The following FBXO41 variants were observed in gnomAD, a reference collection of about 807,000 sequenced individuals.
FBXO41 encodes the protein F-box protein 41.
In FBXO41, 33 loss-of-function variants were observed where a neutral mutation model predicts 81.6. That is an observed-to-expected ratio of 0.40 (90% CI 0.31 to 0.54). The LOEUF (loss-of-function observed/expected upper bound fraction) is 0.54, where lower values mean the gene tolerates loss of function less well. FBXO41 is among the 20% of genes least tolerant of loss of function. The pLI is 0.39. For missense variants in FBXO41, 1,107 were observed against 1,236.0 expected (o/e 0.90, Z 1.56); for synonymous variants, 576 against 552.7 (o/e 1.04, Z -0.59).
chr2:73,276,073 A>C (rs1688673204), intron 1 of FBXO41, among the ~76,000 whole-genome samples: 2 of 147,758 alleles, frequency 1.4e-5, no homozygotes, highest in Admixed American at 1.3e-4. Flanking sequence ...GGCGTGAGCC[A>C]CCACACCTGG....
In FBXO41 at chr2:73,261,956, C is replaced by T. The variant is rs562106308; in HGVS notation, c.2172-1098G>A. 3.4e-5 allele frequency among the ~76,000 whole-genome samples: 5 copies of T among 148,194 alleles called. No individual in the cohort carries two copies. The East Asian group carries it at 1.0e-3, about 30-fold the overall frequency. ...TGCAAAGTAGGGCTGGGCGCGGTGG[C>T]TTATGCCTGTAATCCCAGCACTTTG... is the stretch of plus-strand genomic sequence containing the variant. On this transcript the variant is annotated intron_variant, in intron 9 of 12. Transcript: ENST00000520530.
At chr2:73,268,579 G>A (rs1688364038) in intron 2 of FBXO41, 147 bp downstream of exon 2, 3 of 726,750 alleles carry the variant, frequency 4.1e-6, no homozygotes, top group East Asian at 2.9e-5. Context: ...TGACACTCTT[G>A]GCCCCACATG....
intron 1 of FBXO41, among the ~76,000 whole-genome samples, chr2:73,279,363 C>A (rs1175186024): frequency 6.6e-6 from 1 of 151,866 alleles, no homozygotes; most frequent in African/African-American, 2.4e-5. Context: ...CAACACGGAG[C>A]CAAAAATACA....
chr2:73,265,733 A>C (rs1688237299), intron 4 of FBXO41, 93 bp from the exon 5 acceptor site: 3 of 1,427,822 alleles, frequency 2.1e-6, no homozygotes, highest in Non-Finnish European at 2.8e-6. Flanking sequence ...AGGGCAACCC[A>C]CCCGCCCTGC....
At position 73,257,793 on chromosome 2, in the gene FBXO41, C is replaced by T. The variant is rs1190796509; in HGVS notation, c.*1189G>A. The T allele has an allele frequency of 1.3e-5, 2 of 152,312 alleles. No individual in the cohort carries two copies. Among genetic ancestry groups the T allele is most frequent in the Non-Finnish European group, 2.9e-5 (2 of 68,166 alleles). 9.4% of individuals were successfully genotyped at this position (152,312 alleles called of 1,614,324 possible). A position where few individuals can be genotyped will look rare whatever the true frequency, so the allele number is the denominator to read the frequency against. On this transcript the variant is annotated 3_prime_UTR_variant, in exon 13 of 13. Transcript: ENST00000520530. The surrounding 1 kb of genome is among the most constrained non-coding windows in gnomAD (Gnocchi z 4.6). ...AAGCCAAGTGGCTCCAGCTCAGGTC[C>T]AGCACTTCCCCTAGGCAGAAGACCC...
At chr2:73,281,093 C>G (rs1026350498) in intron 1 of FBXO41, among the ~76,000 whole-genome samples, 9 of 152,292 alleles carry the variant, frequency 5.9e-5, no homozygotes, top group Admixed American at 3.9e-4. Flanking sequence ...AGCTCTTAGG[C>G]TTAGGGCTTG....
chr2:73,261,207 C>T (rs926373470), intron 9 of FBXO41, among the ~76,000 whole-genome samples: 6 of 152,148 alleles, frequency 3.9e-5, no homozygotes, highest in Admixed American at 3.9e-4. Context: ...CAGGCATGCA[C>T]TACCATGCCC....
chr2:73,271,911 G>A (rs1021655062), intron 1 of FBXO41, among the ~76,000 whole-genome samples: 1 of 152,186 alleles, frequency 6.6e-6, no homozygotes, highest in African/African-American at 2.4e-5. Flanking sequence ...TTACAGGTGT[G>A]AGCCACTGCA....
intron 2 of FBXO41, 148 bp downstream of exon 2, chr2:73,268,578 T>C (rs1688363969): frequency 2.7e-6 from 2 of 727,398 alleles, no homozygotes; most frequent in Non-Finnish European, 4.4e-6. Context: ...ATGACACTCT[T>C]GGCCCCACAT....
Position 73,257,662 on chromosome 2 carries a change from TTC to T in FBXO41, c.*1318_*1319del, listed in dbSNP as rs1329693622. On this transcript the variant is annotated 3_prime_UTR_variant, in exon 13 of 13. Coordinates refer to ENST00000520530, the MANE Select transcript of FBXO41 (RefSeq NM_001371389.2). This position sits in a 1 kb window ranked among gnomAD's most constrained non-coding sequence, Gnocchi z 4.6. ...CCCGGCCTCTGAGCTACTGTGGGAG[TTC>T]TGAGAGGAGGAACTGGGGAGACCTC... 1 of 152,068 alleles carries T rather than the reference TTC, an allele frequency of 6.6e-6. No homozygotes were observed. Among genetic ancestry groups the T allele is most frequent in the African/African-American group, 2.4e-5 (1 of 41,368 alleles). 9.4% of individuals were successfully genotyped at this position (152,068 alleles called of 1,614,324 possible).
chr2:73,264,203 C>G, intron 6 of FBXO41, 75 bp downstream of exon 6: 1 of 1,602,256 alleles, frequency 6.2e-7, no homozygotes, highest in Non-Finnish European at 8.5e-7. Flanking sequence ...AGGACCAGAC[C>G]TCAAGGGGCC....
chr2:73,267,968 G>A (rs748683178), intron 2 of FBXO41, among the ~76,000 whole-genome samples: 9 of 152,144 alleles, frequency 5.9e-5, no homozygotes, highest in Non-Finnish European at 8.8e-5. Context: ...AAAAAATTGT[G>A]TCAAACCATT....
Position 73,259,117 on chromosome 2 carries a change from G to T in FBXO41, c.2565+64C>A. On this transcript the variant is annotated intron_variant, in intron 12 of 12. Transcript: ENST00000520530. This position sits in a 1 kb window ranked among gnomAD's most constrained non-coding sequence, Gnocchi z 4.2. ...GGGCCCTCCTGCCACACTCACCCAG[G>T]TCACCAGCCCCAGTCTAGGGATGCC... is the stretch of plus-strand genomic sequence containing the variant. The T allele has an allele frequency of 6.2e-7, 1 of 1,610,718 alleles. No individual in the cohort carries two copies.
Position 73,263,757 on chromosome 2 carries a change from G to A in FBXO41, c.1996C>T (p.His666Tyr). The change falls in exon 8 of 13, where the codon CAC (histidine) becomes TAC (tyrosine). Residue 666 changes from histidine (H) to tyrosine (Y), a missense_variant. Physicochemically the swap from His to Tyr is moderately conservative, Grantham distance 83. This residue lies in a region of FBXO41 where 336 missense variants were observed against 446.7 expected (regional missense o/e 0.75). Transcript: ENST00000520530. ...GGNLLILRIS[H>Y]CPNILTDRSL... Reference sequence around the variant, plus strand: ...CGGTCGGTGAGGATGTTTGGACAGTGGGAGATGCGCAGGATCAGCAGGTTC... The same window carrying A: ...CGGTCGGTGAGGATGTTTGGACAGTAGGAGATGCGCAGGATCAGCAGGTTC... 6.2e-7 allele frequency: 1 copy of A among 1,614,036 alleles called. No homozygotes were observed.
rs1185112178 is a variant in FBXO41, at chr2:73,259,256, C to T, written c.2490G>A (p.Gly830=). ...TGGGCTCTTTGAAATAATCCGCAAT[C>T]CCAATCTGGACCACAATGGACTTGA... ...RNLKSIVVQI[G]IADYFKEPSS... The change falls in exon 12 of 13, where the codon GGG becomes GGA. Residue 830 remains glycine, a synonymous_variant. Coordinates refer to ENST00000520530, the MANE Select transcript of FBXO41 (RefSeq NM_001371389.2). The surrounding 1 kb of genome is among the most constrained non-coding windows in gnomAD (Gnocchi z 4.2). 2.5e-6 allele frequency: 4 copies of T among 1,614,058 alleles called. No homozygotes were observed. The highest frequency in any genetic ancestry group is 2.5e-6 in the Non-Finnish European group (3 of 1,179,902).
At chr2:73,283,232 C>T (rs1688896286) in intron 1 of FBXO41, among the ~76,000 whole-genome samples, 1 of 152,108 alleles carries the variant, frequency 6.6e-6, no homozygotes, top group Non-Finnish European at 1.5e-5. Flanking sequence ...CCTCTGAGTC[C>T]CCCAAGAAGG....
chr2:73,269,403 C>T lies in FBXO41; in HGVS notation c.228G>A (p.Val76=). The change falls in exon 2 of 13, where the codon GTG becomes GTA. Residue 76 remains valine (V), a synonymous_variant. Coordinates refer to ENST00000520530, the MANE Select transcript of FBXO41 (RefSeq NM_001371389.2). This position sits in a 1 kb window ranked among gnomAD's most constrained non-coding sequence, Gnocchi z 7.0. ...CGAAGACCTCTCGCCGGGCGCCGGGCACGGCCAGCAGGGCGGCGGGCTCGG... is the reference window on the plus strand; with the variant it reads ...CGAAGACCTCTCGCCGGGCGCCGGGTACGGCCAGCAGGGCGGCGGGCTCGG... ...LAPEPAALLA[V]PGARREVFES... 1 of 1,457,586 alleles carries T rather than the reference C, an allele frequency of 6.9e-7. No homozygotes were observed. Among genetic ancestry groups the T allele is most frequent in the Non-Finnish European group, 9.0e-7 (1 of 1,109,096 alleles). The allele number at this position is 1,457,586 out of a possible 1,614,324, so 90.3% of individuals were successfully genotyped here. A position where few individuals can be genotyped will look rare whatever the true frequency, so the allele number is the denominator to read the frequency against.
intron 1 of FBXO41, among the ~76,000 whole-genome samples, chr2:73,283,810 T>G (rs1688915481): frequency 6.6e-6 from 1 of 151,922 alleles, no homozygotes; most frequent in African/African-American, 2.4e-5. Flanking sequence ...TAGGGAGGGT[T>G]GGGGTTTCAG....
chr2:73,274,219 T>C (rs1688622612), intron 1 of FBXO41, among the ~76,000 whole-genome samples: 1 of 152,222 alleles, frequency 6.6e-6, no homozygotes, highest in Non-Finnish European at 1.5e-5. Flanking sequence ...AATTTGAAAC[T>C]GGAAAGTGGC....
Sources: gnomAD v4.1 joint callset for allele counts (sites outside exome capture counted in the v4.1 genomes callset) on GRCh38, gnomAD v4.1.1 for gene constraint, gnomAD v4.1.1 regional missense constraint, Gnocchi (gnomAD v3.1) non-coding constraint, MANE v1.5 for transcripts, NCBI Gene and HGNC (gene_info 2026-07-23, HGNC 2026-07-21) for gene names.